The following IGFBP3 variants were observed in gnomAD, a reference collection of about 807,000 sequenced individuals.
IGFBP3 encodes insulin like growth factor binding protein 3, also known as insulin-like growth factor-binding protein 3.
Under a neutral mutation model 28.6 loss-of-function variants are expected in IGFBP3, and 9 were observed. The observed-to-expected ratio is 0.31, with a 90% CI of 0.19 to 0.55. The LOEUF is 0.55. Ranked by LOEUF, IGFBP3 falls within the 20% of genes least tolerant of loss-of-function variation. The pLI, the probability that IGFBP3 is intolerant of heterozygous loss-of-function variation, is 0.93. For synonymous variants in IGFBP3, 185 were observed against 188.2 expected, an observed-to-expected ratio of 0.98 and a Z score of 0.14; for missense variants, 382 against 428.9, an observed-to-expected ratio of 0.89 and a Z score of 0.97.
rs546908264 is a variant in IGFBP3, at chr7:45,921,043, C to G, written c.98G>C (p.Gly33Ala). The G allele has an allele frequency of 8.7e-5, 125 of 1,441,196 alleles. 1 individual carries two copies. In the South Asian group the frequency reaches 1.6e-3, roughly 18 times the overall value. The allele number at this position is 1,441,196 out of a possible 1,614,324, so 89.3% of individuals were successfully genotyped here. ...PVARAGASSAGLGPVVRCEPC... is the reference protein window; with the variant it reads ...PVARAGASSAALGPVVRCEPC... ...CTCGCAGCGCACCACGGGACCCAAG[C>G]CCGCCGAGCTCGCGCCAGCCCGCGC... The change falls in exon 1 of 5, where the codon GGC (glycine) becomes GCC (alanine). Residue 33 changes from glycine (G) to alanine (A), a missense_variant. Transcript: ENST00000613132.
chr7:45,918,354 A>G (rs557114094), intron 1 of IGFBP3, among the ~76,000 whole-genome samples: 1 of 152,324 alleles, frequency 6.6e-6, no homozygotes, highest in Non-Finnish European at 1.5e-5. Context: ...TAAATGAAGA[A>G]AGTCTGATGC....
rs755338567 is a variant in IGFBP3 at position 45,917,395 on chromosome 7, C to T, written c.448G>A (p.Glu150Lys). 3.1e-6 allele frequency: 5 copies of T among 1,613,912 alleles called. No homozygotes were observed. The Middle Eastern group carries it at 6.7e-4, about 215-fold the overall frequency. The change falls in exon 2 of 5, where the codon GAG becomes AAG. Residue 150 changes from glutamate to lysine, a missense_variant. Glu to Lys is a moderately conservative substitution (Grantham distance 56). Coordinates refer to ENST00000613132, the MANE Select transcript of IGFBP3 (RefSeq NM_000598.5). The part of the protein sequence containing the change: ...SEEDRSAGSV[E>K]SPSVSSTHRV... The stretch of plus-strand genomic sequence containing the variant: ...TGCGTGCTGGAGACGGACGGGCTCT[C>T]CACACTGCCGGCGCTGCGGTCTTCC...
chr7:45,916,671 G>T lies in IGFBP3; in HGVS notation c.631-4C>A. On this transcript the variant is annotated splice_polypyrimidine_tract_variant and splice_region_variant and intron_variant, in intron 2 of 4. Coordinates refer to ENST00000613132, the MANE Select transcript of IGFBP3 (RefSeq NM_000598.5). ...CCATTTCTCTACGGCAGGGACCCTG[G>T]GGATCAGGAAGGACCAGAGCAACAG... 6.2e-7 allele frequency: 1 copy of T among 1,611,884 alleles called. No homozygotes were observed. The highest frequency in any genetic ancestry group is 1.3e-5 in the African/African-American group (1 of 75,004).
rs1192696559 is a variant in IGFBP3, at chr7:45,912,692, A to G, written c.*1158T>C. The G allele has an allele frequency of 6.6e-6, 1 of 152,624 alleles. No individual in the cohort carries two copies. Among genetic ancestry groups the G allele is most frequent in the African/African-American group, 2.4e-5 (1 of 41,438 alleles). 9.5% of individuals were successfully genotyped at this position (152,624 alleles called of 1,614,324 possible). A position where few individuals can be genotyped will look rare whatever the true frequency, so the allele number is the denominator to read the frequency against. ...AACATTTCATCTAGGATTATCTAGT[A>G]TAGATCTTACTATATTTGGGGCTAT... On this transcript the variant is annotated 3_prime_UTR_variant, in exon 5 of 5. Coordinates refer to ENST00000613132, the MANE Select transcript of IGFBP3 (RefSeq NM_000598.5).
Position 45,915,017 on chromosome 7 carries a change from A to T in IGFBP3, c.751-72T>A, listed in dbSNP as rs1784591257. 3.8e-6 allele frequency: 6 copies of T among 1,567,120 alleles called. No homozygotes were observed. In the East Asian group the frequency reaches 1.4e-4, roughly 35 times the overall value. On this transcript the variant is annotated intron_variant, in intron 3 of 4. Coordinates refer to ENST00000613132, the MANE Select transcript of IGFBP3 (RefSeq NM_000598.5). Reference sequence around the variant, plus strand: ...GGTGTCAGGTCGGTGGCCAGGGCGCATGATGGTTTGCCAGCGTGACTCTGC... The same window carrying T: ...GGTGTCAGGTCGGTGGCCAGGGCGCTTGATGGTTTGCCAGCGTGACTCTGC...
intron 1 of IGFBP3, chr7:45,920,418 CCT>C (rs1278525543): frequency 3.1e-6 from 1 of 322,380 alleles, no homozygotes; most frequent in Non-Finnish European, 5.6e-6. Context: ...AGGAGAATCT[CCT>C]GTGTCCAGGA....
chr7:45,917,545 G>T (rs554407197), intron 1 of IGFBP3, 106 bp from the exon 2 acceptor site: 5 of 892,708 alleles, frequency 5.6e-6, no homozygotes, highest in Non-Finnish European at 6.6e-6. Context: ...GACAATATTA[G>T]TTGGCAATCC....
rs1393498377 is a variant in IGFBP3, at chr7:45,920,747, G to C, written c.394C>G (p.Pro132Ala). ...RLRAYLLPAP[P>A]APGNASESEE... ...GGCGCGGGCGGCTCACCTGGAGCTG[G>C]CGGCGCTGGCAGCAGGTAGGCGCGC... The change falls in exon 1 of 5, where the codon CCA (proline) becomes GCA (alanine). Residue 132 changes from proline (P) to alanine (A), a missense_variant. Physicochemically the swap from Pro to Ala is conservative, Grantham distance 27. Transcript: ENST00000613132. 1 of 1,417,278 alleles carries C rather than the reference G, an allele frequency of 7.1e-7. No homozygotes were observed. 87.8% of individuals were successfully genotyped at this position (1,417,278 alleles called of 1,614,324 possible).
rs1010399905 is a variant in IGFBP3 at position 45,912,548 on chromosome 7, T to C, written c.*1302A>G. The C allele has an allele frequency of 3.9e-5, 6 of 152,390 alleles. No homozygotes were observed. The highest frequency in any genetic ancestry group is 1.3e-4 in the Admixed American group (2 of 15,268). The allele number at this position is 152,390 out of a possible 1,614,324, so 9.4% of individuals were successfully genotyped here. A position where few individuals can be genotyped will look rare whatever the true frequency, so the allele number is the denominator to read the frequency against. ...CACCGAGGTCTGCAGCAGGGCAGAG[T>C]CTCCCTGAGCCTGACTTTGCCAGAC... On this transcript the variant is annotated 3_prime_UTR_variant, in exon 5 of 5. Coordinates refer to ENST00000613132, the MANE Select transcript of IGFBP3 (RefSeq NM_000598.5).
intron 1 of IGFBP3, among the ~76,000 whole-genome samples, chr7:45,919,088 TTTC>T (rs2116581880): frequency 6.6e-6 from 1 of 152,338 alleles, no homozygotes. Context: ...ATTTCCTTGG[TTTC>T]TTCTTAATGC....
chr7:45,916,952 T>A, intron 2 of IGFBP3: 1 of 564,534 alleles, frequency 1.8e-6, no homozygotes, highest in Non-Finnish European at 3.2e-6. Flanking sequence ...TGAGAATATT[T>A]TTCATTATCT....
intron 1 of IGFBP3, chr7:45,919,990 A>AT (rs1185215987): frequency 6.6e-6 from 1 of 150,760 alleles, no homozygotes; most frequent in Non-Finnish European, 1.5e-5. Flanking sequence ...TGTCATTGAA[A>AT]TTGACTTAGT....
intron 1 of IGFBP3, among the ~76,000 whole-genome samples, chr7:45,918,715 G>T (rs1210681472): frequency 6.6e-6 from 1 of 152,216 alleles, no homozygotes; most frequent in Non-Finnish European, 1.5e-5. Flanking sequence ...TGATTTGGCT[G>T]CAGATGCTCT....
rs1784677434 is a variant in IGFBP3, at chr7:45,920,874, G to A, written c.267C>T (p.Gly89=). 1.4e-6 allele frequency: 2 copies of A among 1,426,818 alleles called. No homozygotes were observed. Among genetic ancestry groups the A allele is most frequent in the Non-Finnish European group, 1.8e-6 (2 of 1,097,684 alleles). 88.4% of individuals were successfully genotyped at this position (1,426,818 alleles called of 1,614,324 possible). A position where few individuals can be genotyped will look rare whatever the true frequency, so the allele number is the denominator to read the frequency against. ...QPCGIYTERC[G]SGLRCQPSPD... is the part of the protein sequence containing the mutation. ...GCGACGGCTGGCAGCGAAGGCCGGA[G>A]CCACAGCGCTCGGTGTAGATGCCGC... Residue 89 remains glycine, a synonymous_variant, in exon 1 of 5, where the codon GGC becomes GGT. Coordinates refer to ENST00000613132, the MANE Select transcript of IGFBP3 (RefSeq NM_000598.5).
At chr7:45,917,118 G>A in intron 2 of IGFBP3, 95 bp downstream of exon 2, 1 of 994,160 alleles carries the variant, frequency 1.0e-6, no homozygotes, top group Non-Finnish European at 1.6e-6. Flanking sequence ...GCCAGGCGCT[G>A]GGGTTTGTTG....
At chr7:45,920,614 C>T in intron 1 of IGFBP3, 124 bp downstream of exon 1, 1 of 1,005,606 alleles carries the variant, frequency 9.9e-7, no homozygotes, top group Non-Finnish European at 1.3e-6. Flanking sequence ...CTTCAGTTTC[C>T]CCACATATTA....
intron 4 of IGFBP3, 108 bp from the exon 5 acceptor site, chr7:45,913,942 G>A (rs1784575620): frequency 6.6e-6 from 1 of 152,204 alleles, no homozygotes; most frequent in African/African-American, 2.4e-5. Context: ...ATGGCACTAG[G>A]CCTGCAAGTG....
Position 45,914,870 on chromosome 7 carries a change from T to C in IGFBP3, c.826A>G (p.Thr276Ala). ...DKYGQPLPGY[T>A]TKGKEDVHCY... ...TGCACGTCCTCCTTCCCCTTGGTGG[T>C]GTAGCCTGGGAGAGGCTGCCCATAC... The change falls in exon 4 of 5, where the codon ACC becomes GCC. Residue 276 changes from threonine to alanine, a missense_variant. Coordinates refer to ENST00000613132, the MANE Select transcript of IGFBP3 (RefSeq NM_000598.5). The C allele has an allele frequency of 1.9e-6, 3 of 1,614,188 alleles. No individual in the cohort carries two copies. The highest frequency in any genetic ancestry group is 2.5e-6 in the Non-Finnish European group (3 of 1,180,010).
rs1025980199 is a variant in IGFBP3 at position 45,921,033 on chromosome 7, G to T, written c.108C>A (p.Pro36=). 9.1e-6 allele frequency: 13 copies of T among 1,432,146 alleles called. No individual in the cohort carries two copies. Among genetic ancestry groups the T allele is most frequent in the African/African-American group, 1.5e-5 (1 of 66,434 alleles). 88.7% of individuals were successfully genotyped at this position (1,432,146 alleles called of 1,614,324 possible). ...RAGASSAGLG[P]VVRCEPCDAR... is the part of the protein sequence containing the mutation. ...CGTCGCACGGCTCGCAGCGCACCAC[G>T]GGACCCAAGCCCGCCGAGCTCGCGC... The change falls in exon 1 of 5, where the codon CCC becomes CCA. Residue 36 remains proline (P), a synonymous_variant. Coordinates refer to ENST00000613132, the MANE Select transcript of IGFBP3 (RefSeq NM_000598.5).
Sources: allele counts gnomAD v4.1 joint callset (sites outside exome capture counted in the v4.1 genomes callset), GRCh38; gene constraint gnomAD v4.1.1; transcripts MANE v1.5; gene names NCBI Gene and HGNC (gene_info 2026-07-23, HGNC 2026-07-21).